The following ZC3H12C variants were observed in gnomAD, a reference collection of about 807,000 sequenced individuals.
ZC3H12C encodes the protein zinc finger CCCH-type containing 12C.
ZC3H12C carries 20 observed loss-of-function variants against 76.3 expected under a neutral mutation model. The ratio of observed to expected loss-of-function variants is 0.26; its 90% CI spans 0.18 to 0.38. ZC3H12C has a LOEUF of 0.38. Ranked by LOEUF, ZC3H12C falls within the 10% of genes least tolerant of loss-of-function variation. The pLI is 1.00. For missense variants in ZC3H12C, 874 were observed against 1,086.5 expected, an observed-to-expected ratio of 0.80 and a Z score of 2.75; for synonymous variants, 352 against 399.6, an observed-to-expected ratio of 0.88 and a Z score of 1.42.
chr11:110,135,145 C>T (rs540632780), intron 1 of ZC3H12C, among the ~76,000 whole-genome samples: 4 of 152,186 alleles, frequency 2.6e-5, no homozygotes, highest in East Asian at 3.9e-4. Context: ...ATTCAACTAT[C>T]GCTGGCTTGC....
chr11:110,154,534 T>C (rs1352429230), intron 3 of ZC3H12C, among the ~76,000 whole-genome samples: 2 of 152,076 alleles, frequency 1.3e-5, no homozygotes, highest in African/African-American at 2.4e-5. Context: ...GTACCAAATA[T>C]TGGATAACCC....
intron 3 of ZC3H12C, among the ~76,000 whole-genome samples, chr11:110,153,664 C>T (rs1862318539): frequency 1.3e-5 from 2 of 152,004 alleles, no homozygotes; most frequent in African/African-American, 4.8e-5. Flanking sequence ...CTGGCTTTGC[C>T]CTTCACTAGC....
At chr11:110,146,072 C>T (rs1261668599) in intron 2 of ZC3H12C, among the ~76,000 whole-genome samples, 2 of 152,130 alleles carry the variant, frequency 1.3e-5, no homozygotes, top group Non-Finnish European at 2.9e-5. Context: ...CTGCAAGCTC[C>T]GCCTCCCGGG....
intron 2 of ZC3H12C, among the ~76,000 whole-genome samples, chr11:110,149,017 G>A (rs960169911): frequency 6.6e-6 from 1 of 152,126 alleles, no homozygotes; most frequent in African/African-American, 2.4e-5. Flanking sequence ...GCGTCAGTAA[G>A]GTTAGATTAA....
At chr11:110,106,843 G>T (rs1462177575) in intron 1 of ZC3H12C, among the ~76,000 whole-genome samples, 2 of 152,080 alleles carry the variant, frequency 1.3e-5, no homozygotes, top group Non-Finnish European at 2.9e-5. Flanking sequence ...GTGATTTTCA[G>T]GTTCTATAAT....
At position 110,165,712 on chromosome 11, in the gene ZC3H12C, T is replaced by C; in HGVS notation, c.2627T>C (p.Val876Ala). ...DAQQLAAAIL[V>A]EKSQLGY ...CAGCAGCTCGCCGCAGCCATTTTAG[T>C]GGAGAAATCCCAGCTGGGTTATTGA... Residue 876 changes from valine (V) to alanine (A), a missense_variant, in exon 6 of 6, where the codon GTG (valine) becomes GCG (alanine). Physicochemically the swap from Val to Ala is moderately conservative, Grantham distance 64. Around this residue, in one of 3 missense-constraint regions of ZC3H12C, gnomAD observed 395 missense variants for 434.4 expected, o/e 0.91. Transcript: ENST00000278590. The C allele has an allele frequency of 1.3e-6, 2 of 1,587,890 alleles. No homozygotes were observed. Among genetic ancestry groups the C allele is most frequent in the Non-Finnish European group, 1.7e-6 (2 of 1,166,130 alleles).
chr11:110,106,161 G>A lies in ZC3H12C; in HGVS notation c.21+12729G>A, dbSNP rs936652444. Among the ~76,000 whole-genome samples the A allele has an allele frequency of 5.5e-4, 38 of 68,590 alleles. 14 individuals carry two copies. The highest frequency in any genetic ancestry group is 3.1e-3 in the Admixed American group (19 of 6,124). The allele number at this position is 68,590 out of a possible 152,430, so 45.0% of individuals were successfully genotyped here. On this transcript the variant is annotated intron_variant, in intron 1 of 5. Transcript: ENST00000278590. ...CAGGCGCCTGTAGTCCCAGCTACTC[G>A]GGAGGCTGAGGCAGGAGAATGGCGT... is the stretch of plus-strand genomic sequence containing the variant.
At chr11:110,097,392 G>C (rs1861132661) in intron 1 of ZC3H12C, among the ~76,000 whole-genome samples, 1 of 152,106 alleles carries the variant, frequency 6.6e-6, no homozygotes, top group Admixed American at 6.6e-5. Context: ...TGGTCTTCCT[G>C]CTTACCTGGA....
At chr11:110,149,089 G>A (rs1002609813) in intron 2 of ZC3H12C, among the ~76,000 whole-genome samples, 10 of 152,152 alleles carry the variant, frequency 6.6e-5, no homozygotes, top group African/African-American at 2.2e-4. Context: ...GAGCCACCAG[G>A]TAACTGTCTG....
chr11:110,095,186 C>T (rs1861091246), intron 1 of ZC3H12C, among the ~76,000 whole-genome samples: 1 of 151,960 alleles, frequency 6.6e-6, no homozygotes, highest in African/African-American at 2.4e-5. Context: ...ATAAAAATAC[C>T]CTATTTTATA....
At chr11:110,108,623 C>T (rs745595859) in intron 1 of ZC3H12C, among the ~76,000 whole-genome samples, 2 of 152,324 alleles carry the variant, frequency 1.3e-5, no homozygotes, top group Middle Eastern at 3.4e-3. Context: ...TTTCTACACT[C>T]TTCCAAAATA....
rs1447232426 is a variant in ZC3H12C, at chr11:110,163,316, C to T, written c.1192C>T (p.Leu398=). Residue 398 remains leucine (L), a synonymous_variant, in exon 5 of 6, where the codon CTG becomes TTG. Transcript: ENST00000278590. ...DDPLGRHGPS[L]DNFLRKKPIV... The stretch of plus-strand genomic sequence containing the variant: ...CCCTCTTGGCAGACATGGCCCCAGT[C>T]TGGATAATTTTCTGAGGAAGAAACC... The T allele has an allele frequency of 6.2e-7, 1 of 1,613,250 alleles. No homozygotes were observed. Among genetic ancestry groups the T allele is most frequent in the Non-Finnish European group, 8.5e-7 (1 of 1,179,650 alleles).
intron 1 of ZC3H12C, among the ~76,000 whole-genome samples, chr11:110,107,902 A>G (rs774023631): frequency 5.9e-5 from 9 of 151,962 alleles, no homozygotes; most frequent in Non-Finnish European, 7.4e-5. Flanking sequence ...AGCTAAAGCA[A>G]TCTGCCTGCC....
intron 1 of ZC3H12C, chr11:110,136,218 C>G (rs1366295970): frequency 1.3e-5 from 2 of 153,118 alleles, no homozygotes; most frequent in African/African-American, 4.8e-5. Flanking sequence ...TTTATAGATA[C>G]TTATGAATTC....
Position 110,165,558 on chromosome 11 carries a change from T to C in ZC3H12C, c.2473T>C (p.Cys825Arg). 1 of 1,613,384 alleles carries C rather than the reference T, an allele frequency of 6.2e-7. No individual in the cohort carries two copies. The highest frequency in any genetic ancestry group is 8.5e-7 in the Non-Finnish European group (1 of 1,179,614). The change falls in exon 6 of 6, where the codon TGT becomes CGT. Residue 825 changes from cysteine (C) to arginine (R), a missense_variant. By Grantham distance (180) the Cys-to-Arg change is radical. Around this residue, in one of 3 missense-constraint regions of ZC3H12C, gnomAD observed 395 missense variants for 434.4 expected, o/e 0.91. Coordinates refer to ENST00000278590, the MANE Select transcript of ZC3H12C (RefSeq NM_033390.2). ...QQEPAWRIPY[C>R]GMPQDPPRYQ... Reference sequence around the variant, plus strand: ...GGAGCCAGCCTGGCGGATCCCATACTGTGGAATGCCGCAAGATCCCCCGAG... The same window carrying C: ...GGAGCCAGCCTGGCGGATCCCATACCGTGGAATGCCGCAAGATCCCCCGAG...
chr11:110,157,317 C>A (rs183875876), intron 3 of ZC3H12C, among the ~76,000 whole-genome samples: 3 of 152,052 alleles, frequency 2.0e-5, no homozygotes, highest in Non-Finnish European at 2.9e-5. Flanking sequence ...TTCTCATAGT[C>A]TATCAACTGC....
Position 110,106,574 on chromosome 11 carries a change from G to A in ZC3H12C, c.21+13142G>A, listed in dbSNP as rs564458732. ...TAAAATGGTGATAATAATACATATC[G>A]TGGTAATGTCATGGTAATGGTTGTA... On this transcript the variant is annotated intron_variant, in intron 1 of 5. Coordinates refer to ENST00000278590, the MANE Select transcript of ZC3H12C (RefSeq NM_033390.2). 2.4e-3 allele frequency among the ~76,000 whole-genome samples: 367 copies of A among 152,246 alleles called. 2 individuals are homozygous for A. The highest frequency in any genetic ancestry group is 2.9e-3 in the African/African-American group (119 of 41,544).
At chr11:110,121,690 A>C (rs1212467120) in intron 1 of ZC3H12C, among the ~76,000 whole-genome samples, 1 of 152,130 alleles carries the variant, frequency 6.6e-6, no homozygotes, top group Non-Finnish European at 1.5e-5. Context: ...AGGCCATTGG[A>C]AATTATAACT....
In ZC3H12C at chr11:110,165,660, A is replaced by G. The variant is rs749044218; in HGVS notation, c.2575A>G (p.Lys859Glu). Reference protein sequence around the residue: ...FPPDLVRIVMKRNPHMTDAQQ... With the variant: ...FPPDLVRIVMERNPHMTDAQQ... ...CCCTGACCTTGTGAGAATTGTCATGAAAAGGAATCCTCACATGACAGACGC... is the reference window on the plus strand; with the variant it reads ...CCCTGACCTTGTGAGAATTGTCATGGAAAGGAATCCTCACATGACAGACGC... The change falls in exon 6 of 6, where the codon AAA (lysine) becomes GAA (glutamate). Residue 859 changes from lysine (K) to glutamate (E), a missense_variant. Physicochemically the swap from Lys to Glu is moderately conservative, Grantham distance 56 (BLOSUM62 1). Coordinates refer to ENST00000278590, the MANE Select transcript of ZC3H12C (RefSeq NM_033390.2). The G allele has an allele frequency of 6.3e-7, 1 of 1,598,908 alleles. No individual in the cohort carries two copies.
Sources: allele counts gnomAD v4.1 joint callset (sites outside exome capture counted in the v4.1 genomes callset), GRCh38; gene constraint gnomAD v4.1.1; regional missense constraint gnomAD v4.1.1; transcripts MANE v1.5; gene names NCBI Gene and HGNC (gene_info 2026-07-23, HGNC 2026-07-21).